The following TTC17 variants were observed in gnomAD, a reference collection of about 807,000 sequenced individuals.
The protein encoded by TTC17 is tetratricopeptide repeat domain 17, also known as tetratricopeptide repeat protein 17.
In TTC17, 58 loss-of-function variants were observed where a neutral mutation model predicts 143.8. The observed-to-expected ratio is 0.40, with a 90% CI of 0.33 to 0.50. The LOEUF (loss-of-function observed/expected upper bound fraction) is 0.50, where lower values mean the gene tolerates loss of function less well. TTC17 is among the 20% of genes least tolerant of loss of function. The probability of loss-of-function intolerance (pLI) is 0.49; values close to 1 mark genes in which losing one functional copy is unlikely to be tolerated. For synonymous variants in TTC17, 501 were observed against 497.8 expected (o/e 1.01, Z -0.09); for missense variants, 1,273 against 1,392.5 (o/e 0.91, Z 1.37).
At chr11:43,434,938 A>G (rs1947252092) in intron 16 of TTC17, among the ~76,000 whole-genome samples, 1 of 152,188 alleles carries the variant, frequency 6.6e-6, no homozygotes, top group South Asian at 2.1e-4. Flanking sequence ...TTTTCTTGGC[A>G]CAGTAAGGGA....
chr11:43,462,466 A>G (rs1346371569), intron 21 of TTC17, among the ~76,000 whole-genome samples: 1 of 152,220 alleles, frequency 6.6e-6, no homozygotes, highest in African/African-American at 2.4e-5. Flanking sequence ...GCCACAAGCC[A>G]AGGAATGCCA....
At chr11:43,450,478 G>C (rs375995955) in intron 20 of TTC17, among the ~76,000 whole-genome samples, 3 of 152,252 alleles carry the variant, frequency 2.0e-5, no homozygotes, top group African/African-American at 4.8e-5. Context: ...CCCCTCAAGG[G>C]GGGTAGTTCT....
Position 43,404,015 on chromosome 11 carries a change from A to G in TTC17, c.1350A>G (p.Ser450=). The G allele has an allele frequency of 6.2e-7, 1 of 1,605,790 alleles. No individual in the cohort carries two copies. The highest frequency in any genetic ancestry group is 1.7e-5 in the Admixed American group (1 of 58,242). ...VDYVQFGEDS[S]TSSMMSVNFD... is the part of the protein sequence containing the mutation. ...TTTTCTAGTTTGGTGAGGATTCATC[A>G]ACCTCCAGTATGATGTCTGTGAACT... Residue 450 remains serine, a synonymous_variant, in exon 11 of 24, where the codon TCA becomes TCG. Coordinates refer to ENST00000039989, the MANE Select transcript of TTC17 (RefSeq NM_018259.6).
In TTC17 at chr11:43,391,478, A is replaced by G. The variant is rs12099204; in HGVS notation, c.433A>G (p.Ile145Val). 11 of 1,593,550 alleles carry G rather than the reference A, an allele frequency of 6.9e-6. No homozygotes were observed. Among genetic ancestry groups the G allele is most frequent in the Non-Finnish European group, 9.4e-6 (11 of 1,168,814 alleles). ...ESKDISPEDY[I>V]DTESPVPPDP... The stretch of plus-strand genomic sequence containing the variant: ...TTTTGATTTTAGTCCTGAAGATTAT[A>G]TAGACACAGAATCTCCTGTCCCTCC... Residue 145 changes from isoleucine to valine, a missense_variant, in exon 4 of 24, where the codon ATA becomes GTA. Coordinates refer to ENST00000039989, the MANE Select transcript of TTC17 (RefSeq NM_018259.6).
chr11:43,365,891 A>G (rs528240769), intron 1 of TTC17, among the ~76,000 whole-genome samples: 24 of 152,162 alleles, frequency 1.6e-4, no homozygotes, highest in Non-Finnish European at 3.1e-4. Flanking sequence ...TAAACTCTGT[A>G]CATACACCTG....
intron 8 of TTC17, among the ~76,000 whole-genome samples, chr11:43,399,461 T>A (rs1456004967): frequency 6.6e-6 from 1 of 152,132 alleles, no homozygotes; most frequent in East Asian, 1.9e-4. Context: ...AATCACTTGA[T>A]GCCAGGAGTT....
chr11:43,365,947 G>C (rs1199782505), intron 1 of TTC17, among the ~76,000 whole-genome samples: 2 of 150,446 alleles, frequency 1.3e-5, no homozygotes, highest in African/African-American at 4.9e-5. Flanking sequence ...CATTCCTTTT[G>C]TAACTTAGTT....
intron 6 of TTC17, 190 bp downstream of exon 6, chr11:43,397,008 G>A (rs1174754785): frequency 6.3e-6 from 3 of 472,604 alleles, no homozygotes; most frequent in Non-Finnish European, 7.4e-6. Context: ...TGATAATTGT[G>A]TAATATACTT....
At chr11:43,396,498 A>G (rs2134549685) in intron 5 of TTC17, 1 of 328,110 alleles carries the variant, frequency 3.0e-6, no homozygotes, top group Admixed American at 4.5e-5. Context: ...ATCACACCCT[A>G]ATGCACGTGC....
At chr11:43,408,996 G>A (rs1340711800) in intron 15 of TTC17, among the ~76,000 whole-genome samples, 20 of 152,074 alleles carry the variant, frequency 1.3e-4, no homozygotes, top group Admixed American at 1.3e-3. Flanking sequence ...TCCCATCTCA[G>A]CCTCCAAAAG....
intron 6 of TTC17, 87 bp downstream of exon 6, chr11:43,396,905 C>T (rs1857614437): frequency 1.6e-6 from 1 of 636,960 alleles, no homozygotes; most frequent in African/African-American, 1.9e-5. Context: ...TAAGAAGCAA[C>T]ATTGCATTAT....
chr11:43,430,221 A>G lies in TTC17; in HGVS notation c.2252-13104A>G, dbSNP rs375701488. 5.3e-5 allele frequency among the ~76,000 whole-genome samples: 8 copies of G among 152,322 alleles called. No homozygotes were observed. The East Asian group carries it at 1.4e-3, about 26-fold the overall frequency. On this transcript the variant is annotated intron_variant, in intron 16 of 23. Coordinates refer to ENST00000039989, the MANE Select transcript of TTC17 (RefSeq NM_018259.6). ...AGAGGGCAGATTGCTTGAGTTCAGCAGTTTGAGACCAGCTTGGGCAACATG... is the reference window on the plus strand; with the variant it reads ...AGAGGGCAGATTGCTTGAGTTCAGCGGTTTGAGACCAGCTTGGGCAACATG...
At chr11:43,454,889 G>A (rs1947733464) in intron 21 of TTC17, among the ~76,000 whole-genome samples, 1 of 151,642 alleles carries the variant, frequency 6.6e-6, no homozygotes, top group African/African-American at 2.4e-5. Context: ...AAATTAATAA[G>A]GATATAAAGA....
In TTC17 at chr11:43,412,469, TAAAG is replaced by T. The variant is rs557665744; in HGVS notation, c.2065-2117_2065-2114del. Among the ~76,000 whole-genome samples, 700 of 151,918 alleles carry T rather than the reference TAAAG, an allele frequency of 4.6e-3. 1 individual carries two copies. Among genetic ancestry groups the T allele is most frequent in the African/African-American group, 0.016 (675 of 41,422 alleles). On this transcript the variant is annotated intron_variant, in intron 15 of 23. Coordinates refer to ENST00000039989, the MANE Select transcript of TTC17 (RefSeq NM_018259.6). ...GAGACCTTGTCTCAAAAAAAGGAAA[TAAAG>T]AAAACATCAGATTTCTAAGAATAAA...
intron 1 of TTC17, among the ~76,000 whole-genome samples, chr11:43,369,126 G>C (rs1217709559): frequency 6.6e-6 from 1 of 152,170 alleles, no homozygotes; most frequent in Non-Finnish European, 1.5e-5. Context: ...TCCTTTTAGA[G>C]TTGCAAATGT....
At chr11:43,394,777 T>G (rs1160299536) in intron 5 of TTC17, among the ~76,000 whole-genome samples, 1 of 152,132 alleles carries the variant, frequency 6.6e-6, no homozygotes, top group Non-Finnish European at 1.5e-5. Flanking sequence ...GATGAAGTCA[T>G]CTGGGGAAGA....
intron 23 of TTC17, among the ~76,000 whole-genome samples, chr11:43,493,360 G>C (rs374490852): frequency 3.9e-4 from 60 of 152,272 alleles, no homozygotes; most frequent in African/African-American, 1.3e-3. Context: ...TGCATAATGG[G>C]CATTTGTCAG....
intron 21 of TTC17, among the ~76,000 whole-genome samples, chr11:43,486,105 A>C (rs1480661830): frequency 2.6e-5 from 4 of 152,024 alleles, no homozygotes; most frequent in Non-Finnish European, 4.4e-5. Flanking sequence ...TAGAAATATA[A>C]TGTTGAATAA....
chr11:43,407,456 T>C lies in TTC17; in HGVS notation c.1943T>C (p.Leu648Ser). The change falls in exon 15 of 24, where the codon TTA becomes TCA. Residue 648 changes from leucine (L) to serine (S), a missense_variant. Around this residue, in one of 3 missense-constraint regions of TTC17, gnomAD observed 878 missense variants for 899.8 expected, o/e 0.98. Coordinates refer to ENST00000039989, the MANE Select transcript of TTC17 (RefSeq NM_018259.6). ...AIACLQRALN[L>S]APLQYQDVPL... Reference sequence around the variant, plus strand: ...GCCTGTCTTCAGAGGGCTTTGAATTTAGCTCCACTTCAATACCAAGATGTT... The same window carrying C: ...GCCTGTCTTCAGAGGGCTTTGAATTCAGCTCCACTTCAATACCAAGATGTT... 6.2e-7 allele frequency: 1 copy of C among 1,614,072 alleles called. No individual in the cohort carries two copies. The highest frequency in any genetic ancestry group is 1.1e-5 in the South Asian group (1 of 91,072).
Sources: gnomAD v4.1 joint callset for allele counts (sites outside exome capture counted in the v4.1 genomes callset) on GRCh38, gnomAD v4.1.1 for gene constraint, gnomAD v4.1.1 regional missense constraint, MANE v1.5 for transcripts, NCBI Gene and HGNC (gene_info 2026-07-23, HGNC 2026-07-21) for gene names.